Variants in MYO1E observed in about 807,000 individuals in gnomAD.
The protein encoded by MYO1E is myosin IE.
MYO1E carries 68 observed loss-of-function variants against 151.1 expected under a neutral mutation model. That is an observed-to-expected ratio of 0.45 (90% confidence interval 0.37 to 0.55). MYO1E has a LOEUF of 0.55. Ranked by LOEUF, MYO1E falls within the 20% of genes least tolerant of loss-of-function variation. MYO1E has a pLI of 0.00. For missense variants in MYO1E, 1,363 were observed against 1,389.3 expected (o/e 0.98, Z 0.30); for synonymous variants, 601 against 501.7 (o/e 1.20, Z -2.64).
chr15:59,214,170 C>A (rs1596369000), intron 12 of MYO1E, 58 bp downstream of exon 12: 3 of 1,378,080 alleles, frequency 2.2e-6, no homozygotes, highest in East Asian at 2.4e-5. Context: ...GAAATCTATA[C>A]CCTCTTAAAC....
At chr15:59,219,586 A>G (rs1327727101) in intron 9 of MYO1E, among the ~76,000 whole-genome samples, 1 of 152,240 alleles carries the variant, frequency 6.6e-6, no homozygotes, top group African/African-American at 2.4e-5. Context: ...AGAACAAGAC[A>G]TTTATCCTCT....
intron 2 of MYO1E, among the ~76,000 whole-genome samples, chr15:59,265,700 T>C (rs1442547065): frequency 6.7e-6 from 1 of 148,818 alleles, no homozygotes; most frequent in Admixed American, 6.8e-5. Flanking sequence ...TTGGGTGCTA[T>C]AATCACAACA....
At chr15:59,146,274 G>A (rs1271568936) in intron 26 of MYO1E, among the ~76,000 whole-genome samples, 1 of 152,142 alleles carries the variant, frequency 6.6e-6, no homozygotes, top group African/African-American at 2.4e-5. Flanking sequence ...TGAAAATCGT[G>A]TTATAAAAAT....
At chr15:59,255,789 T>C (rs2080190927) in intron 4 of MYO1E, among the ~76,000 whole-genome samples, 1 of 152,236 alleles carries the variant, frequency 6.6e-6, no homozygotes, top group Admixed American at 6.5e-5. Flanking sequence ...CTAGGCCGCA[T>C]GTGGCCCATG....
intron 1 of MYO1E, among the ~76,000 whole-genome samples, chr15:59,282,452 A>C (rs1487998690): frequency 6.6e-6 from 1 of 151,910 alleles, no homozygotes; most frequent in Non-Finnish European, 1.5e-5. Context: ...CTCTCTCAGG[A>C]AGTGCTTCCC....
At chr15:59,171,806 C>T in intron 22 of MYO1E, 91 bp downstream of exon 22, 1 of 1,550,624 alleles carries the variant, frequency 6.4e-7, no homozygotes, top group Admixed American at 1.7e-5. Context: ...CTGGGAAGCC[C>T]AGCCCGGCCT....
intron 1 of MYO1E, among the ~76,000 whole-genome samples, chr15:59,290,246 C>A (rs927098914): frequency 1.3e-5 from 2 of 152,090 alleles, no homozygotes; most frequent in Admixed American, 1.3e-4. Flanking sequence ...ATTCCCCACT[C>A]GGTGAAAATA....
chr15:59,251,879 A>C (rs2140367828), intron 4 of MYO1E, among the ~76,000 whole-genome samples: 1 of 152,384 alleles, frequency 6.6e-6, no homozygotes, highest in East Asian at 1.9e-4. Context: ...GAAACCCAGT[A>C]TTTTGACTGC....
intron 18 of MYO1E, among the ~76,000 whole-genome samples, chr15:59,182,778 T>A (rs548512276): frequency 2.0e-5 from 3 of 152,294 alleles, no homozygotes; most frequent in African/African-American, 7.2e-5. Flanking sequence ...CAGATCCGGA[T>A]AATCAACAGA....
chr15:59,191,330 GAC>G (rs2079731702), intron 17 of MYO1E, among the ~76,000 whole-genome samples: 2 of 126,376 alleles, frequency 1.6e-5, no homozygotes, highest in African/African-American at 6.2e-5. Flanking sequence ...GACAGACAGA[GAC>G]AGAGAGAGAG....
chr15:59,330,478 A>G (rs1567016705), intron 1 of MYO1E, among the ~76,000 whole-genome samples: 1 of 152,220 alleles, frequency 6.6e-6, no homozygotes, highest in Non-Finnish European at 1.5e-5. Flanking sequence ...GAAAAAGTAA[A>G]TATCCCCAAA....
chr15:59,325,676 A>T (rs1165245021), intron 1 of MYO1E, among the ~76,000 whole-genome samples: 1 of 152,210 alleles, frequency 6.6e-6, no homozygotes, highest in Non-Finnish European at 1.5e-5. Context: ...TTATCTTTTT[A>T]AAATTAAATT....
rs556227640 is a variant in MYO1E, at chr15:59,263,971, G to A, written c.148-2462C>T. Among the ~76,000 whole-genome samples the A allele has an allele frequency of 6.4e-4, 98 of 152,214 alleles. 2 individuals carry two copies. In the South Asian group the frequency reaches 0.017, roughly 27 times the overall value. ...TGCCGTAGCCAAGACTCAATAAGGCGTCATAAAATTAATTAAACACATATA... is the reference window on the plus strand; with the variant it reads ...TGCCGTAGCCAAGACTCAATAAGGCATCATAAAATTAATTAAACACATATA... On this transcript the variant is annotated intron_variant, in intron 2 of 27. Transcript: ENST00000288235.
At chr15:59,218,343 T>G (rs1484592809) in intron 9 of MYO1E, 2 of 610,504 alleles carry the variant, frequency 3.3e-6, no homozygotes, top group African/African-American at 3.6e-5. Context: ...ATAATACAAA[T>G]CAGGGATTCA....
chr15:59,163,549 AT>A (rs750764693), intron 22 of MYO1E, among the ~76,000 whole-genome samples: 5 of 152,148 alleles, frequency 3.3e-5, no homozygotes, highest in Admixed American at 3.3e-4. Flanking sequence ...TTTCCACATG[AT>A]TTTTACAATC....
intron 1 of MYO1E, among the ~76,000 whole-genome samples, chr15:59,338,199 T>C (rs2080741327): frequency 4.0e-5 from 6 of 151,630 alleles, no homozygotes; most frequent in Admixed American, 3.9e-4. Flanking sequence ...CTTAGGAATT[T>C]GGTAGCTGTC....
chr15:59,202,704 G>A (rs2079809594), intron 15 of MYO1E, among the ~76,000 whole-genome samples: 1 of 152,176 alleles, frequency 6.6e-6, no homozygotes, highest in Non-Finnish European at 1.5e-5. Context: ...GGTATATCTT[G>A]ACAGAACATA....
intron 19 of MYO1E, among the ~76,000 whole-genome samples, chr15:59,175,064 C>T (rs1395534595): frequency 6.6e-6 from 1 of 152,132 alleles, no homozygotes; most frequent in Non-Finnish European, 1.5e-5. Context: ...TTTCATTCAA[C>T]GCCTCCACAG....
intron 26 of MYO1E, among the ~76,000 whole-genome samples, chr15:59,145,179 T>C (rs1195255811): frequency 1.3e-5 from 2 of 152,036 alleles, no homozygotes; most frequent in East Asian, 3.9e-4. Flanking sequence ...GAAATTTGAT[T>C]AATGAGGTCT....
Sources: gnomAD v4.1 joint callset for allele counts (sites outside exome capture counted in the v4.1 genomes callset) on GRCh38, gnomAD v4.1.1 for gene constraint, MANE v1.5 for transcripts, NCBI Gene and HGNC (gene_info 2026-07-23, HGNC 2026-07-21) for gene names.